Variants in FOXP2 observed in about 807,000 individuals in gnomAD.
FOXP2 encodes forkhead box P2.
A neutral mutation model predicts 115.8 loss-of-function variants in FOXP2; 12 were observed. The observed-to-expected ratio is 0.10, with a 90% CI of 0.07 to 0.17. FOXP2 has a LOEUF of 0.17. FOXP2 is among the 10% of genes least tolerant of loss of function. FOXP2 has a pLI of 1.00. For missense variants in FOXP2, 629 were observed against 843.5 expected (o/e 0.75, Z 3.15); for synonymous variants, 328 against 297.7 (o/e 1.10, Z -1.05).
intron 2 of FOXP2, among the ~76,000 whole-genome samples, chr7:114,502,707 A>G (rs1440304014): frequency 6.6e-6 from 1 of 152,026 alleles, no homozygotes; most frequent in African/African-American, 2.4e-5. Flanking sequence ...CACAATACAG[A>G]CGGTTTTCAT....
At chr7:114,605,029 A>G (rs542899597) in intron 3 of FOXP2, among the ~76,000 whole-genome samples, 3 of 152,340 alleles carry the variant, frequency 2.0e-5, no homozygotes, top group African/African-American at 7.2e-5. Context: ...AGAAATGTGA[A>G]AACATTTTGT....
intron 1 of FOXP2, among the ~76,000 whole-genome samples, chr7:114,104,049 T>C (rs1408854510): frequency 6.6e-6 from 1 of 151,964 alleles, no homozygotes; most frequent in Non-Finnish European, 1.5e-5. Flanking sequence ...TATTTCTGAG[T>C]GTTTAAGATT....
At chr7:114,610,771 A>T (rs1803582225) in intron 3 of FOXP2, among the ~76,000 whole-genome samples, 1 of 150,640 alleles carries the variant, frequency 6.6e-6, no homozygotes, top group Non-Finnish European at 1.5e-5. Context: ...AATATCTGGG[A>T]TCACAGACAT....
chr7:114,405,648 ATAG>A (rs1562907039), intron 2 of FOXP2, among the ~76,000 whole-genome samples: 2 of 151,914 alleles, frequency 1.3e-5, no homozygotes, highest in Non-Finnish European at 2.9e-5. Context: ...CTGGTAAGAA[ATAG>A]TAGTGTTTAA....
At chr7:114,464,754 TC>T (rs1795732014) in intron 2 of FOXP2, among the ~76,000 whole-genome samples, 2 of 152,240 alleles carry the variant, frequency 1.3e-5, no homozygotes, top group African/African-American at 4.8e-5. Context: ...TATATGGTAG[TC>T]CATGATGGTA....
At position 114,457,848 on chromosome 7, in the gene FOXP2, A is replaced by C. The variant is rs561752097; in HGVS notation, c.168+31169A>C. Among the ~76,000 whole-genome samples the C allele has an allele frequency of 1.1e-3, 163 of 151,334 alleles. 1 individual carries two copies. The highest frequency in any genetic ancestry group is 3.4e-3 in the Middle Eastern group (1 of 292). ...AGGAGGCAGAGCTCGCAGTGAGCCG[A>C]GATCGTGCCACTGTACTCCAGCTGG... is the stretch of plus-strand genomic sequence containing the variant. On this transcript the variant is annotated intron_variant, in intron 2 of 16. Coordinates refer to ENST00000350908, the MANE Select transcript of FOXP2 (RefSeq NM_014491.4).
At chr7:114,123,991 C>A (rs972358596) in intron 1 of FOXP2, among the ~76,000 whole-genome samples, 3 of 151,970 alleles carry the variant, frequency 2.0e-5, no homozygotes, top group African/African-American at 7.2e-5. Flanking sequence ...ACAAAAGAGC[C>A]TGCAGGCTTA....
intron 3 of FOXP2, among the ~76,000 whole-genome samples, chr7:114,543,439 G>A (rs1385525206): frequency 6.6e-6 from 1 of 151,950 alleles, no homozygotes; most frequent in Non-Finnish European, 1.5e-5. Context: ...TACTGTCCTT[G>A]GTTTGAACCA....
intron 2 of FOXP2, among the ~76,000 whole-genome samples, chr7:114,352,451 C>G (rs1024992361): frequency 6.6e-6 from 1 of 152,130 alleles, no homozygotes; most frequent in African/African-American, 2.4e-5. Flanking sequence ...AGTATAAATT[C>G]CTGTATAAAT....
chr7:114,520,594 T>G (rs1184775398), intron 2 of FOXP2, among the ~76,000 whole-genome samples: 1 of 152,094 alleles, frequency 6.6e-6, no homozygotes, highest in Admixed American at 6.6e-5. Context: ...GAGTGAAATA[T>G]CTGGTACAAT....
At chr7:114,254,794 G>A (rs1408417288) in intron 1 of FOXP2, among the ~76,000 whole-genome samples, 5 of 152,164 alleles carry the variant, frequency 3.3e-5, no homozygotes, top group African/African-American at 4.8e-5. Context: ...CTCTCAACTC[G>A]TCAAAGTCAT....
intron 1 of FOXP2, among the ~76,000 whole-genome samples, chr7:114,168,463 G>C (rs1054388483): frequency 1.3e-5 from 2 of 152,138 alleles, no homozygotes; most frequent in Non-Finnish European, 2.9e-5. Flanking sequence ...CCCTGCCCTA[G>C]AGATTTTTGG....
chr7:114,471,505 A>T (rs1194529304), intron 2 of FOXP2, among the ~76,000 whole-genome samples: 1 of 152,172 alleles, frequency 6.6e-6, no homozygotes, highest in Non-Finnish European at 1.5e-5. Context: ...TATTTTATTT[A>T]TCAGAATTCT....
At chr7:114,440,325 T>C (rs901150844) in intron 2 of FOXP2, among the ~76,000 whole-genome samples, 1 of 152,230 alleles carries the variant, frequency 6.6e-6, no homozygotes, top group Non-Finnish European at 1.5e-5. Flanking sequence ...CTGATGAATA[T>C]AGTCAATAAA....
intron 1 of FOXP2, among the ~76,000 whole-genome samples, chr7:114,151,184 T>C (rs1451236653): frequency 1.3e-5 from 2 of 151,954 alleles, no homozygotes; most frequent in African/African-American, 4.8e-5. Context: ...CCCCTTCCCA[T>C]GGTCAGATAC....
Position 114,631,176 on chromosome 7 carries a change from T to A in FOXP2, c.598-352T>A, listed in dbSNP as rs762000642. ...TATTCAATTGGAAAAAAAAAAAAAG[T>A]GTGTCGTAGAAGTTGACTATTTCTG... is the stretch of plus-strand genomic sequence containing the variant. On this transcript the variant is annotated intron_variant, in intron 5 of 16. Transcript: ENST00000350908. 156 of 294,480 alleles carry A rather than the reference T, an allele frequency of 5.3e-4. 3 individuals are homozygous for A. Among genetic ancestry groups the A allele is most frequent in the Admixed American group, 1.4e-4 (3 of 21,028 alleles). 18.2% of individuals were successfully genotyped at this position (294,480 alleles called of 1,614,324 possible). A position where few individuals can be genotyped will look rare whatever the true frequency, so the allele number is the denominator to read the frequency against.
chr7:114,140,179 G>A lies in FOXP2; in HGVS notation c.-246-22765G>A, dbSNP rs138581776. Reference sequence around the variant, plus strand: ...ATGTGCAATCCTGCAGACTTTTGTTGTGCTTTTCTTCCACCTAGAAATAGT... The same window carrying A: ...ATGTGCAATCCTGCAGACTTTTGTTATGCTTTTCTTCCACCTAGAAATAGT... On this transcript the variant is annotated intron_variant, in intron 1 of 19. Transcript: ENST00000635638. Among the ~76,000 whole-genome samples the A allele has an allele frequency of 8.3e-4, 127 of 152,196 alleles. 1 individual carries two copies. The highest frequency in any genetic ancestry group is 2.8e-3 in the African/African-American group (115 of 41,532).
At chr7:114,266,009 G>A (rs1215777355) in intron 1 of FOXP2, among the ~76,000 whole-genome samples, 3 of 151,918 alleles carry the variant, frequency 2.0e-5, no homozygotes, top group Non-Finnish European at 4.4e-5. Context: ...AAAGGCTGCT[G>A]TGAAGGTCTC....
At chr7:114,275,277 G>GTA (rs1796161597) in intron 1 of FOXP2, among the ~76,000 whole-genome samples, 1 of 151,926 alleles carries the variant, frequency 6.6e-6, no homozygotes, top group Admixed American at 6.6e-5. Context: ...TTCTCCTCTT[G>GTA]TATTCCCATT....
Sources: gnomAD v4.1 joint callset for allele counts (sites outside exome capture counted in the v4.1 genomes callset) on GRCh38, gnomAD v4.1.1 for gene constraint, MANE v1.5 for transcripts, NCBI Gene and HGNC (gene_info 2026-07-23, HGNC 2026-07-21) for gene names.